Variants in LPP observed in about 807,000 individuals in gnomAD.
The protein encoded by LPP is lipoma-preferred partner.
Under a neutral mutation model 60.4 loss-of-function variants are expected in LPP, and 38 were observed. The observed-to-expected ratio is 0.63, with a 90% CI of 0.49 to 0.83. The LOEUF (loss-of-function observed/expected upper bound fraction) is 0.83, where lower values mean the gene tolerates loss of function less well. Among genes scored for constraint, LPP ranks in the 40% least tolerant of loss-of-function variants. The probability of loss-of-function intolerance (pLI) is 0.00; values close to 1 mark genes in which losing one functional copy is unlikely to be tolerated. For missense variants in LPP, 902 were observed against 783.6 expected (o/e 1.15, Z -1.80); for synonymous variants, 328 against 290.8 (o/e 1.13, Z -1.30).
intron 1 of LPP, among the ~76,000 whole-genome samples, chr3:188,199,761 C>A (rs750950416): frequency 2.0e-5 from 3 of 151,182 alleles, no homozygotes; most frequent in African/African-American, 7.3e-5. Context: ...CCTACCTAGG[C>A]TGGAGTTCAA....
intron 7 of LPP, among the ~76,000 whole-genome samples, chr3:188,624,171 T>C (rs1300233193): frequency 6.6e-6 from 1 of 152,212 alleles, no homozygotes; most frequent in Admixed American, 6.5e-5. Flanking sequence ...TCAAGAGCAA[T>C]GTCTTTTCAC....
chr3:188,275,982 C>A (rs945845433), intron 2 of LPP, among the ~76,000 whole-genome samples: 1 of 152,170 alleles, frequency 6.6e-6, no homozygotes, highest in Admixed American at 6.5e-5. Context: ...CCTCCAGGAA[C>A]TTTTCTAGGT....
At chr3:188,843,294 C>T (rs1760494685) in intron 9 of LPP, among the ~76,000 whole-genome samples, 1 of 152,140 alleles carries the variant, frequency 6.6e-6, no homozygotes, top group Non-Finnish European at 1.5e-5. Flanking sequence ...TATTCCTCCA[C>T]TTTTTCTACT....
At chr3:188,350,824 T>C (rs2150794948) in intron 3 of LPP, among the ~76,000 whole-genome samples, 1 of 152,314 alleles carries the variant, frequency 6.6e-6, no homozygotes, top group Non-Finnish European at 1.5e-5. Flanking sequence ...ATCTAAGACA[T>C]AAAACGAATA....
At chr3:188,578,438 T>C (rs1835275286) in intron 6 of LPP, among the ~76,000 whole-genome samples, 1 of 152,204 alleles carries the variant, frequency 6.6e-6, no homozygotes, top group Non-Finnish European at 1.5e-5. Flanking sequence ...CTACCCCTGC[T>C]ATACTGACAC....
chr3:188,464,849 C>G (rs911731049), intron 4 of LPP, among the ~76,000 whole-genome samples: 12 of 151,498 alleles, frequency 7.9e-5, no homozygotes, highest in Non-Finnish European at 1.5e-5. Context: ...ATATTTACAC[C>G]CCATTTGGTT....
At chr3:188,197,186 C>T (rs1228246444) in intron 1 of LPP, among the ~76,000 whole-genome samples, 1 of 152,118 alleles carries the variant, frequency 6.6e-6, no homozygotes, top group East Asian at 1.9e-4. Context: ...GGAATGGTGA[C>T]ATTTAAGATT....
chr3:188,243,994 G>A (rs1179813355), intron 2 of LPP, among the ~76,000 whole-genome samples: 1 of 152,126 alleles, frequency 6.6e-6, no homozygotes, highest in Non-Finnish European at 1.5e-5. Context: ...TCCTGCCTCA[G>A]CCTCCTGAGT....
intron 5 of LPP, among the ~76,000 whole-genome samples, chr3:188,501,308 A>G (rs149535171): frequency 2.6e-5 from 4 of 151,882 alleles, no homozygotes; most frequent in East Asian, 1.9e-4. Flanking sequence ...CCTTTGATCC[A>G]TTGTTTGTTA....
intron 7 of LPP, among the ~76,000 whole-genome samples, chr3:188,654,160 A>G (rs1337898796): frequency 6.6e-6 from 1 of 152,230 alleles, no homozygotes; most frequent in African/African-American, 2.4e-5. Flanking sequence ...TGGTTTACAC[A>G]AAGGGAAATC....
intron 7 of LPP, among the ~76,000 whole-genome samples, chr3:188,650,201 G>A (rs1851820102): frequency 6.6e-6 from 1 of 151,932 alleles, no homozygotes; most frequent in Non-Finnish European, 1.5e-5. Context: ...TTTTAATTAT[G>A]GAGACAAAAA....
chr3:188,524,573 G>T (rs578129167), intron 5 of LPP, 92 bp from the exon 6 acceptor site: 5 of 1,351,204 alleles, frequency 3.7e-6, no homozygotes, highest in Non-Finnish European at 5.0e-6. Context: ...AGAAAAACTT[G>T]GACAAAGCCA....
At chr3:188,760,435 T>TGTGTGTGTGTGTGTGCGC (rs777127864) in intron 9 of LPP, among the ~76,000 whole-genome samples, 153 bp downstream of exon 9, 6 of 151,080 alleles carry the variant, frequency 4.0e-5, no homozygotes, top group Non-Finnish European at 8.8e-5. Flanking sequence ...TGTGTGTGTG[T>TGTGTGTGTGTGTGTGCGC]GCGTGCGCGC....
At chr3:188,480,956 C>A (rs1264082827) in intron 4 of LPP, among the ~76,000 whole-genome samples, 1 of 152,140 alleles carries the variant, frequency 6.6e-6, no homozygotes, top group African/African-American at 2.4e-5. Context: ...GACCTCCTTC[C>A]CCCTTCTTCT....
At chr3:188,592,346 GCACACAGTCACACACACA>G (rs1838901586) in intron 6 of LPP, among the ~76,000 whole-genome samples, 1 of 150,746 alleles carries the variant, frequency 6.6e-6, no homozygotes, top group Admixed American at 6.6e-5. Flanking sequence ...AAACACACAC[GCACACAGTCACACACACA>G]CACATACACA....
chr3:188,816,403 A>G (rs1232691962), intron 9 of LPP, among the ~76,000 whole-genome samples: 6 of 151,652 alleles, frequency 4.0e-5, no homozygotes, highest in African/African-American at 1.2e-4. Flanking sequence ...GAGTTTCACC[A>G]TGTTAGCCAG....
intron 9 of LPP, among the ~76,000 whole-genome samples, chr3:188,763,137 T>A (rs1732954979): frequency 1.3e-5 from 2 of 152,198 alleles, no homozygotes; most frequent in Admixed American, 1.3e-4. Context: ...GGAAGCATAT[T>A]CTGTGTGATC....
At chr3:188,497,404 T>G (rs1810556729) in intron 5 of LPP, among the ~76,000 whole-genome samples, 1 of 152,240 alleles carries the variant, frequency 6.6e-6, no homozygotes, top group Admixed American at 6.5e-5. Flanking sequence ...TTTTAGTATT[T>G]TCTTCATTAT....
At chr3:188,509,711 T>C (rs1814779503) in intron 5 of LPP, among the ~76,000 whole-genome samples, 2 of 148,326 alleles carry the variant, frequency 1.3e-5, no homozygotes, top group Admixed American at 1.3e-4. Context: ...TTCTTTTTTT[T>C]TTTTTGAGTC....
Sources: allele counts gnomAD v4.1 joint callset (sites outside exome capture counted in the v4.1 genomes callset), GRCh38; gene constraint gnomAD v4.1.1; transcripts MANE v1.5; gene names NCBI Gene and HGNC (gene_info 2026-07-23, HGNC 2026-07-21).